Variants in SERGEF observed in about 807,000 individuals in gnomAD.
SERGEF encodes the protein secretion regulating guanine nucleotide exchange factor, also known as secretion-regulating guanine nucleotide exchange factor.
SERGEF carries 51 observed loss-of-function variants against 50.0 expected under a neutral mutation model. The observed-to-expected ratio is 1.02, with a 90% CI of 0.81 to 1.29. SERGEF has a LOEUF of 1.29. SERGEF is among the 50% of genes most tolerant of loss of function. The pLI, the probability that SERGEF is intolerant of heterozygous loss-of-function variation, is 0.00. For missense variants in SERGEF, 521 were observed against 557.0 expected (o/e 0.94, Z 0.65); for synonymous variants, 205 against 212.4 (o/e 0.97, Z 0.30).
At chr11:17,985,639 C>T (rs1240573590) in intron 8 of SERGEF, among the ~76,000 whole-genome samples, 1 of 152,186 alleles carries the variant, frequency 6.6e-6, no homozygotes, top group Non-Finnish European at 1.5e-5. Flanking sequence ...CAGATTAGAA[C>T]AGGTTCTCTT....
intron 9 of SERGEF, among the ~76,000 whole-genome samples, chr11:17,899,828 C>T (rs1480176396): frequency 1.3e-5 from 2 of 151,802 alleles, no homozygotes; most frequent in Non-Finnish European, 2.9e-5. Flanking sequence ...TGGTAGCACA[C>T]ACCTGTAGTC....
chr11:17,929,108 A>C (rs1249530239), intron 9 of SERGEF, among the ~76,000 whole-genome samples: 1 of 152,210 alleles, frequency 6.6e-6, no homozygotes, highest in Non-Finnish European at 1.5e-5. Flanking sequence ...TTGTGAATAT[A>C]AAATCACTTA....
chr11:17,968,436 C>T (rs1159942006), intron 8 of SERGEF, among the ~76,000 whole-genome samples: 3 of 152,148 alleles, frequency 2.0e-5, no homozygotes, highest in Non-Finnish European at 4.4e-5. Flanking sequence ...AAAACTTAAT[C>T]CTAGCACTTT....
intron 4 of SERGEF, chr11:18,001,954 C>G (rs967848574): frequency 2.4e-5 from 11 of 455,962 alleles, no homozygotes; most frequent in African/African-American, 2.2e-4. Flanking sequence ...ACCTTTATGC[C>G]CAGGGCCTAA....
chr11:17,878,548 T>G (rs1409166329), intron 9 of SERGEF, among the ~76,000 whole-genome samples: 1 of 152,202 alleles, frequency 6.6e-6, no homozygotes, highest in African/African-American at 2.4e-5. Flanking sequence ...TCAAACTTTC[T>G]AAAATGAGCA....
intron 9 of SERGEF, among the ~76,000 whole-genome samples, chr11:17,922,800 C>T (rs780395133): frequency 2.6e-5 from 4 of 152,182 alleles, no homozygotes; most frequent in Non-Finnish European, 2.9e-5. Context: ...ATACCATGCA[C>T]CTGGCACAAT....
At chr11:17,978,573 G>A (rs1221018799) in intron 8 of SERGEF, among the ~76,000 whole-genome samples, 1 of 152,212 alleles carries the variant, frequency 6.6e-6, no homozygotes, top group African/African-American at 2.4e-5. Flanking sequence ...ACAGTTAACT[G>A]CCACTGCCAG....
At chr11:18,009,639 A>G (rs942491256) in intron 1 of SERGEF, among the ~76,000 whole-genome samples, 3 of 152,186 alleles carry the variant, frequency 2.0e-5, no homozygotes, top group Non-Finnish European at 4.4e-5. Context: ...GCCCTTTCCA[A>G]GTACAGTGCT....
intron 9 of SERGEF, among the ~76,000 whole-genome samples, chr11:17,895,165 C>G (rs1851597013): frequency 6.6e-6 from 1 of 152,180 alleles, no homozygotes; most frequent in Admixed American, 6.5e-5. Context: ...GGCCCCTAAT[C>G]AAGAGGCCCT....
At chr11:17,905,181 A>G (rs1459097419) in intron 9 of SERGEF, among the ~76,000 whole-genome samples, 1 of 152,242 alleles carries the variant, frequency 6.6e-6, no homozygotes, top group Non-Finnish European at 1.5e-5. Flanking sequence ...AAAATTTATT[A>G]GGGAGATTGC....
intron 10 of SERGEF, among the ~76,000 whole-genome samples, chr11:17,792,684 C>T (rs1849504052): frequency 6.6e-6 from 1 of 152,146 alleles, no homozygotes; most frequent in Admixed American, 6.5e-5. Context: ...TCATTTAATT[C>T]TAAGAACCAT....
intron 1 of SERGEF, among the ~76,000 whole-genome samples, 172 bp from the exon 2 acceptor site, chr11:18,008,248 C>T (rs1312748824): frequency 6.6e-6 from 1 of 152,172 alleles, no homozygotes; most frequent in Non-Finnish European, 1.5e-5. Flanking sequence ...ACGGCAAATA[C>T]TCACAGCACT....
intron 1 of SERGEF, among the ~76,000 whole-genome samples, chr11:18,010,697 AC>A (rs1172704468): frequency 1.3e-5 from 2 of 152,032 alleles, no homozygotes; most frequent in African/African-American, 4.8e-5. Context: ...ACTGTACACC[AC>A]CCCTGCCAGA....
At chr11:17,933,881 A>G (rs553274207) in intron 9 of SERGEF, among the ~76,000 whole-genome samples, 1 of 152,282 alleles carries the variant, frequency 6.6e-6, no homozygotes, top group South Asian at 2.1e-4. Flanking sequence ...TGCTGCAGTT[A>G]CCATAGCAAC....
At chr11:17,947,551 AG>A (rs759685722) in intron 9 of SERGEF, among the ~76,000 whole-genome samples, 12 of 152,188 alleles carry the variant, frequency 7.9e-5, no homozygotes, top group Admixed American at 1.3e-4. Flanking sequence ...CCAGACACCA[AG>A]GGAGGGAAGA....
intron 9 of SERGEF, among the ~76,000 whole-genome samples, chr11:17,935,795 C>T (rs774376415): frequency 1.3e-5 from 2 of 152,072 alleles, no homozygotes; most frequent in Non-Finnish European, 2.9e-5. Flanking sequence ...AAACCCTGCC[C>T]CCATGGTACT....
chr11:17,948,146 T>C (rs1166350491), intron 9 of SERGEF, among the ~76,000 whole-genome samples: 1 of 152,028 alleles, frequency 6.6e-6, no homozygotes, highest in Non-Finnish European at 1.5e-5. Flanking sequence ...CCCAGGCTGG[T>C]TTCATGTGAT....
At chr11:17,848,010 T>C (rs1329825621) in intron 10 of SERGEF, among the ~76,000 whole-genome samples, 2 of 152,218 alleles carry the variant, frequency 1.3e-5, no homozygotes, top group African/African-American at 2.4e-5. Flanking sequence ...ATAGTCATTA[T>C]AAAATATGCA....
chr11:17,915,771 G>T (rs1157177439), intron 9 of SERGEF, among the ~76,000 whole-genome samples: 1 of 152,218 alleles, frequency 6.6e-6, no homozygotes, highest in Non-Finnish European at 1.5e-5. Context: ...GGGGATTGGT[G>T]AATTTCCAAC....
Sources: gnomAD v4.1 joint callset for allele counts (sites outside exome capture counted in the v4.1 genomes callset) on GRCh38, gnomAD v4.1.1 for gene constraint, MANE v1.5 for transcripts, NCBI Gene and HGNC (gene_info 2026-07-23, HGNC 2026-07-21) for gene names.